TSG101: variants seen among roughly 807,000 people sequenced by gnomAD.
TSG101 encodes the protein tumor susceptibility gene 101 protein.
Under a neutral mutation model 48.5 loss-of-function variants are expected in TSG101, and 19 were observed. The ratio of observed to expected loss-of-function variants is 0.39; its 90% CI spans 0.27 to 0.58. The LOEUF (loss-of-function observed/expected upper bound fraction) is 0.58, where lower values mean the gene tolerates loss of function less well. Among genes scored for constraint, TSG101 ranks in the 20% least tolerant of loss-of-function variants. TSG101 has a pLI of 0.55. For synonymous variants in TSG101, 174 were observed against 169.4 expected, an observed-to-expected ratio of 1.03 and a Z score of -0.21; for missense variants, 365 against 484.4, an observed-to-expected ratio of 0.75 and a Z score of 2.31.
intron 2 of TSG101, among the ~76,000 whole-genome samples, chr11:18,518,510 T>C (rs1590288521): frequency 6.6e-6 from 1 of 152,184 alleles, no homozygotes; most frequent in Non-Finnish European, 1.5e-5. Context: ...GAAAAGACTA[T>C]TTTAAAATAA....
chr11:18,521,918 T>G (rs1693730774), intron 1 of TSG101, among the ~76,000 whole-genome samples: 1 of 152,146 alleles, frequency 6.6e-6, no homozygotes, highest in African/African-American at 2.4e-5. Flanking sequence ...ACTCAAGCAA[T>G]CTGTCCACCT....
At chr11:18,508,495 T>C (rs1850015127) in intron 5 of TSG101, 1 of 151,996 alleles carries the variant, frequency 6.6e-6, no homozygotes, top group Non-Finnish European at 1.5e-5. Flanking sequence ...CGGCCAAATA[T>C]TTCGTATTTC....
At chr11:18,511,247 A>G (rs543039254) in intron 4 of TSG101, 1 of 152,322 alleles carries the variant, frequency 6.6e-6, no homozygotes, top group Admixed American at 6.5e-5. Flanking sequence ...TCTCCCAAGT[A>G]GTCAGGATTA....
intron 6 of TSG101, among the ~76,000 whole-genome samples, chr11:18,504,903 T>C (rs948815856): frequency 6.6e-5 from 10 of 152,192 alleles, no homozygotes; most frequent in Admixed American, 1.3e-4. Flanking sequence ...AAATCTAAAA[T>C]GAATAACCTG....
At chr11:18,498,148 A>T (rs1441182583) in intron 7 of TSG101, among the ~76,000 whole-genome samples, 1 of 152,106 alleles carries the variant, frequency 6.6e-6, no homozygotes, top group East Asian at 1.9e-4. Flanking sequence ...CCATGCACAG[A>T]AATAGGCCGT....
intron 6 of TSG101, among the ~76,000 whole-genome samples, chr11:18,503,888 G>A (rs16935482): frequency 0.2 from 29,959 of 151,778 alleles, 3,086 homozygotes; most frequent in East Asian, 0.25. Context: ...TTTTACAAGC[G>A]CATTAAAATT....
At chr11:18,508,307 T>C (rs1262100538) in intron 5 of TSG101, among the ~76,000 whole-genome samples, 5 of 150,582 alleles carry the variant, frequency 3.3e-5, no homozygotes, top group Non-Finnish European at 7.4e-5. Flanking sequence ...CTGCAACATC[T>C]GCCTCAGCCT....
chr11:18,492,617 C>A (rs182710475), intron 7 of TSG101, among the ~76,000 whole-genome samples: 1 of 152,056 alleles, frequency 6.6e-6, no homozygotes. Context: ...AAAATAAGAA[C>A]CAAGCCGAGG....
intron 7 of TSG101, among the ~76,000 whole-genome samples, chr11:18,484,288 AC>A (rs1849588832): frequency 6.6e-6 from 1 of 152,222 alleles, no homozygotes; most frequent in Non-Finnish European, 1.5e-5. Context: ...TCCATGTTAA[AC>A]CCAGTTTCCC....
At chr11:18,504,918 T>C (rs904558770) in intron 6 of TSG101, among the ~76,000 whole-genome samples, 1 of 152,214 alleles carries the variant, frequency 6.6e-6, no homozygotes, top group Non-Finnish European at 1.5e-5. Flanking sequence ...AACCTGCTTA[T>C]ATATTACTAC....
intron 3 of TSG101, among the ~76,000 whole-genome samples, chr11:18,515,260 CT>C (rs1850152077): frequency 6.6e-6 from 1 of 152,150 alleles, no homozygotes; most frequent in Non-Finnish European, 1.5e-5. Flanking sequence ...TTTGTTTCCC[CT>C]ATTAGTGGAG....
At chr11:18,501,156 T>C (rs1849880794) in intron 7 of TSG101, among the ~76,000 whole-genome samples, 1 of 152,220 alleles carries the variant, frequency 6.6e-6, no homozygotes, top group South Asian at 2.1e-4. Context: ...TTTTGTTGAC[T>C]ATGCTTTTGA....
intron 7 of TSG101, among the ~76,000 whole-genome samples, chr11:18,499,296 ATATTTATATATT>A (rs1468691375): frequency 1.1e-4 from 12 of 109,996 alleles, no homozygotes; most frequent in Admixed American, 7.1e-4. Flanking sequence ...ATATATATTT[ATATTTATATATT>A]TATTTATATA....
In TSG101 at chr11:18,503,493, C is replaced by G. The variant is rs534532846; in HGVS notation, c.549-916G>C. On this transcript the variant is annotated intron_variant, in intron 6 of 9. Transcript: ENST00000251968. The stretch of plus-strand genomic sequence containing the variant: ...GTTCACGCCATTCTCCTGCCACAGC[C>G]TCCTGAGTAGCTGGGACTATAGGTG... Among the ~76,000 whole-genome samples the G allele has an allele frequency of 3.9e-5, 6 of 151,942 alleles. 1 individual carries two copies. The East Asian group carries it at 1.2e-3, about 30-fold the overall frequency.
chr11:18,493,866 GA>G (rs1443337066), intron 7 of TSG101, among the ~76,000 whole-genome samples: 1 of 152,162 alleles, frequency 6.6e-6, no homozygotes, highest in Non-Finnish European at 1.5e-5. Flanking sequence ...TATAGTGTAT[GA>G]ATATGTAAGC....
chr11:18,501,104 G>T lies in TSG101; in HGVS notation c.640+1382C>A, dbSNP rs1002293109. 8.5e-5 allele frequency among the ~76,000 whole-genome samples: 13 copies of T among 152,170 alleles called. No individual in the cohort carries two copies. In the East Asian group the frequency reaches 2.3e-3, roughly 27 times the overall value. ...ATTACAGACGTGAGCCACTGCATCT[G>T]GCTCACAAGCTTTTTAATTTAGTAT... On this transcript the variant is annotated intron_variant, in intron 7 of 9. Coordinates refer to ENST00000251968, the MANE Select transcript of TSG101 (RefSeq NM_006292.4).
chr11:18,480,775 A>G, intron 9 of TSG101, 140 bp from the exon 10 acceptor site: 3 of 667,740 alleles, frequency 4.5e-6, no homozygotes, highest in Middle Eastern at 6.0e-4. Flanking sequence ...ACCTCATTAT[A>G]TGTGGCTTTT....
chr11:18,502,584 A>C lies in TSG101; in HGVS notation c.549-7T>G. 6.2e-7 allele frequency: 1 copy of C among 1,605,430 alleles called. No homozygotes were observed. The highest frequency in any genetic ancestry group is 8.5e-7 in the Non-Finnish European group (1 of 1,174,390). ...AGGACAGCCTGGGTAACCACTAAAG[A>C]CAAGAACAAAAAACATTTAACATTT... On this transcript the variant is annotated splice_polypyrimidine_tract_variant and splice_region_variant and intron_variant, in intron 6 of 9. Coordinates refer to ENST00000251968, the MANE Select transcript of TSG101 (RefSeq NM_006292.4).
chr11:18,526,730 G>C (rs1230976754), intron 1 of TSG101, 45 bp downstream of exon 1: 1 of 1,589,800 alleles, frequency 6.3e-7, no homozygotes, highest in Non-Finnish European at 8.5e-7. Context: ...GGCGCGGAAG[G>C]GAGCGGTGGG....
Sources: gnomAD v4.1 joint callset for allele counts (sites outside exome capture counted in the v4.1 genomes callset) on GRCh38, gnomAD v4.1.1 for gene constraint, MANE v1.5 for transcripts, NCBI Gene and HGNC (gene_info 2026-07-23, HGNC 2026-07-21) for gene names.